The following RGS6 variants were observed in gnomAD, a reference collection of about 807,000 sequenced individuals.
The protein encoded by RGS6 is regulator of G protein signaling 6.
RGS6 carries 30 observed loss-of-function variants against 78.5 expected under a neutral mutation model. That is an observed-to-expected ratio of 0.38 (90% CI 0.29 to 0.52). RGS6 has a LOEUF of 0.52. RGS6 is among the 20% of genes least tolerant of loss of function. The pLI is 0.85. For missense variants in RGS6, 495 were observed against 609.7 expected (o/e 0.81, Z 1.98); for synonymous variants, 206 against 206.0 (o/e 1.00, Z 0.00).
chr14:71,926,864 G>T, the RGS6 span, among the ~76,000 whole-genome samples: 1 of 152,118 alleles, frequency 6.6e-6, no homozygotes, highest in African/African-American at 2.4e-5. Flanking sequence ...CTCTATAAAG[G>T]ATCCTTCTTA....
rs1015133997 is a variant in RGS6 at position 72,382,904 on chromosome 14, A to G, written c.184+30710A>G. Among the ~76,000 whole-genome samples the G allele has an allele frequency of 2.0e-5, 3 of 152,092 alleles. 1 individual carries two copies. The highest frequency in any genetic ancestry group is 6.6e-5 in the Admixed American group (1 of 15,260). On this transcript the variant is annotated intron_variant, in intron 3 of 17. Coordinates refer to ENST00000553525, the MANE Select transcript of RGS6 (RefSeq NM_001204424.2). Reference sequence around the variant, plus strand: ...TAGTGATTCATGCATATTTGGTTAAATGGTAAAAATACATACTTGAAAAGG... The same window carrying G: ...TAGTGATTCATGCATATTTGGTTAAGTGGTAAAAATACATACTTGAAAAGG...
rs1387301746 is a variant in RGS6 at position 72,383,213 on chromosome 14, T to TATATATATACAC, written c.184+31020_184+31021insTATATATACACA. Among the ~76,000 whole-genome samples the TATATATATACAC allele has an allele frequency of 1.2e-3, 146 of 118,310 alleles. 2 individuals are homozygous for TATATATATACAC. Among genetic ancestry groups the TATATATATACAC allele is most frequent in the African/African-American group, 3.5e-3 (112 of 31,890 alleles). 77.6% of individuals were successfully genotyped at this position (118,310 alleles called of 152,430 possible). A position where few individuals can be genotyped will look rare whatever the true frequency, so the allele number is the denominator to read the frequency against. On this transcript the variant is annotated intron_variant, in intron 3 of 17. Transcript: ENST00000553525. ...ATATATATATATATATATATATATA[T>TATATATATACAC]ACACACAAACACACTAGTATGTGTG...
intron 2 of RGS6, among the ~76,000 whole-genome samples, chr14:71,968,571 T>G (rs2093644376): frequency 2.0e-5 from 3 of 152,056 alleles, no homozygotes; most frequent in Admixed American, 2.0e-4. Context: ...ATAGAGAGGG[T>G]GAGTAACTTG....
At chr14:72,451,952 A>T (rs564965472) in intron 3 of RGS6, among the ~76,000 whole-genome samples, 1 of 152,200 alleles carries the variant, frequency 6.6e-6, no homozygotes, top group African/African-American at 2.4e-5. Flanking sequence ...GGGTTTCACC[A>T]TGTTGGCCAG....
intron 2 of RGS6, among the ~76,000 whole-genome samples, chr14:72,097,211 A>C (rs1307372448): frequency 1.3e-5 from 2 of 152,234 alleles, no homozygotes; most frequent in East Asian, 3.8e-4. Context: ...ACATGCAACA[A>C]TTCCAAGCTC....
intron 1 of RGS6, among the ~76,000 whole-genome samples, chr14:71,956,300 A>T (rs1015630237): frequency 6.6e-6 from 1 of 151,636 alleles, no homozygotes; most frequent in African/African-American, 2.4e-5. Flanking sequence ...AAGGGGGTGT[A>T]TTAGTGTTCC....
chr14:72,402,535 A>G (rs2092525149), intron 3 of RGS6, among the ~76,000 whole-genome samples: 1 of 152,190 alleles, frequency 6.6e-6, no homozygotes, highest in East Asian at 1.9e-4. Flanking sequence ...AGGGAAATGC[A>G]AATAAAAACC....
chr14:71,918,610 C>G, the RGS6 span, among the ~76,000 whole-genome samples: 4 of 152,166 alleles, frequency 2.6e-5, no homozygotes, highest in Non-Finnish European at 4.4e-5. Context: ...CTTTGTGTTT[C>G]CATTTGAGTT....
the RGS6 span, among the ~76,000 whole-genome samples, chr14:72,629,135 G>A: frequency 6.6e-5 from 10 of 152,148 alleles, no homozygotes; most frequent in African/African-American, 2.4e-5. Context: ...GGTTATTTAG[G>A]TATAAAAGTA....
chr14:71,931,721 G>A (rs573669494), upstream of RGS6, among the ~76,000 whole-genome samples: 1 of 152,190 alleles, frequency 6.6e-6, no homozygotes, highest in East Asian at 1.9e-4. Flanking sequence ...TTGAATCTAA[G>A]TACACATCGC....
At chr14:72,428,976 G>A (rs1208057315) in intron 3 of RGS6, among the ~76,000 whole-genome samples, 2 of 152,140 alleles carry the variant, frequency 1.3e-5, no homozygotes, top group East Asian at 3.9e-4. Flanking sequence ...CAAGGCGGGT[G>A]GATTGTCTGA....
intron 2 of RGS6, among the ~76,000 whole-genome samples, chr14:72,326,443 A>G (rs1375987989): frequency 2.0e-5 from 3 of 152,170 alleles, no homozygotes; most frequent in South Asian, 2.1e-4. Context: ...TCATGGGGGC[A>G]GACCCCTTAT....
intron 2 of RGS6, among the ~76,000 whole-genome samples, chr14:72,266,517 A>G (rs2153900242): frequency 6.6e-6 from 1 of 152,252 alleles, no homozygotes; most frequent in Non-Finnish European, 1.5e-5. Context: ...CCATTCTCGA[A>G]TGTTCTTGAA....
At chr14:71,959,640 G>C (rs1159760619) in intron 1 of RGS6, among the ~76,000 whole-genome samples, 1 of 149,006 alleles carries the variant, frequency 6.7e-6, no homozygotes, top group Non-Finnish European at 1.5e-5. Context: ...ACCTGAGGAG[G>C]TTGTTGGACC....
At chr14:72,128,657 T>C (rs17107827) in intron 2 of RGS6, among the ~76,000 whole-genome samples, 2,640 of 152,254 alleles carry the variant, frequency 0.017, 70 homozygotes, top group Admixed American at 0.064. Context: ...CACTCACTTA[T>C]GAATAGCAGA....
chr14:72,540,253 C>T (rs1240637195), intron 17 of RGS6, 159 bp downstream of exon 17: 3 of 1,539,610 alleles, frequency 1.9e-6, no homozygotes, highest in Middle Eastern at 1.7e-4. Context: ...TTGCGAGTGT[C>T]TGCAGCTTCT....
chr14:72,533,588 C>T (rs1419576395), intron 15 of RGS6, among the ~76,000 whole-genome samples: 1 of 152,192 alleles, frequency 6.6e-6, no homozygotes, highest in African/African-American at 2.4e-5. Context: ...AAAGGAGTCA[C>T]CCTTCTGGTG....
At chr14:71,909,172 G>C in the RGS6 span, among the ~76,000 whole-genome samples, 3 of 152,276 alleles carry the variant, frequency 2.0e-5, no homozygotes, top group East Asian at 5.8e-4. Flanking sequence ...CTAGTAAGTA[G>C]AGTCACTAAG....
rs141044891 is a variant in RGS6, at chr14:71,992,468, A to G, written c.84+27593A>G. 1.8e-3 allele frequency among the ~76,000 whole-genome samples: 270 copies of G among 152,302 alleles called. 1 individual carries two copies. The highest frequency in any genetic ancestry group is 6.0e-3 in the African/African-American group (251 of 41,562). ...ACATTGCTTCGTTTGTTCTATTTGC[A>G]TTCTGACTTACACCTGCCCACAGCC... On this transcript the variant is annotated intron_variant, in intron 2 of 17. Transcript: ENST00000553525.
Sources: allele counts gnomAD v4.1 joint callset (sites outside exome capture counted in the v4.1 genomes callset), GRCh38; gene constraint gnomAD v4.1.1; transcripts MANE v1.5; gene names NCBI Gene and HGNC (gene_info 2026-07-23, HGNC 2026-07-21).